Variants in HSPB7 observed in about 807,000 individuals in gnomAD.
HSPB7 encodes heat shock protein beta-7.
HSPB7 carries 9 observed loss-of-function variants against 11.0 expected under a neutral mutation model. The ratio of observed to expected loss-of-function variants is 0.82; its 90% CI spans 0.49 to 1.43. The LOEUF (loss-of-function observed/expected upper bound fraction) is 1.43, where lower values mean the gene tolerates loss of function less well. HSPB7 is among the 40% of genes most tolerant of loss of function. The pLI is 0.00. For missense variants in HSPB7, 246 were observed against 243.9 expected (o/e 1.01, Z -0.06); for synonymous variants, 102 against 101.6 (o/e 1.00, Z -0.02).
chr1:16,015,617 T>C lies in HSPB7; in HGVS notation c.476A>G (p.His159Arg). 6.2e-7 allele frequency: 1 copy of C among 1,614,016 alleles called. No homozygotes were observed. The highest frequency in any genetic ancestry group is 1.1e-5 in the South Asian group (1 of 91,080). ...IRARRHPHTEHVQQTFRTEIK... is the reference protein window; with the variant it reads ...IRARRHPHTERVQQTFRTEIK... Reference sequence around the variant, plus strand: ...CTCCGTCCGGAAGGTCTGCTGGACGTGTTCTGTATGCGGGTGACGCCGTGC... The same window carrying C: ...CTCCGTCCGGAAGGTCTGCTGGACGCGTTCTGTATGCGGGTGACGCCGTGC... Residue 159 changes from histidine (H) to arginine (R), a missense_variant, in exon 3 of 3, where the codon CAC (histidine) becomes CGC (arginine). By Grantham distance (29) the His-to-Arg change is conservative. Coordinates refer to ENST00000311890, the MANE Select transcript of HSPB7 (RefSeq NM_014424.5). This position sits in a 1 kb window ranked among gnomAD's most constrained non-coding sequence, Gnocchi z 4.9.
At position 16,017,261 on chromosome 1, in the gene HSPB7, C is replaced by T. The variant is rs568400360; in HGVS notation, c.200-54G>A. 408 of 1,588,774 alleles carry T rather than the reference C, an allele frequency of 2.6e-4. 5 individuals carry two copies. In the East Asian group the frequency reaches 6.8e-3, roughly 27 times the overall value. On this transcript the variant is annotated intron_variant, in intron 1 of 2. Coordinates refer to ENST00000311890, the MANE Select transcript of HSPB7 (RefSeq NM_014424.5). ...ATGGAGCAGGCCTTGCATGCAGATC[C>T]GGGGGTTCTGGCTCCTTCTCTTGGG...
chr1:16,019,527 C>T, upstream of HSPB7: 1 of 1,490,326 alleles, frequency 6.7e-7, no homozygotes, highest in African/African-American at 1.4e-5. Context: ...CCCTACAACC[C>T]AGTCTGGAGC....
Position 16,015,710 on chromosome 1 carries a change from A to G in HSPB7, c.383T>C (p.Leu128Pro). ...VMNTFAHKCQLPEDVDPTSVT... is the reference protein window; with the variant it reads ...VMNTFAHKCQPPEDVDPTSVT... ...CGACGTCGGGTCCACGTCCTCCGGC[A>G]GCTGGCACTTGTGAGCGAAGGTGTT... Residue 128 changes from leucine (L) to proline (P), a missense_variant, in exon 3 of 3, where the codon CTG becomes CCG. Coordinates refer to ENST00000311890, the MANE Select transcript of HSPB7 (RefSeq NM_014424.5). This position sits in a 1 kb window ranked among gnomAD's most constrained non-coding sequence, Gnocchi z 4.9. 6.2e-7 allele frequency: 1 copy of G among 1,611,528 alleles called. No individual in the cohort carries two copies. Among genetic ancestry groups the G allele is most frequent in the South Asian group, 1.1e-5 (1 of 90,936 alleles).
chr1:16,016,907 C>T (rs1475811861), intron 2 of HSPB7, among the ~76,000 whole-genome samples, 167 bp downstream of exon 2: 1 of 152,172 alleles, frequency 6.6e-6, no homozygotes. Flanking sequence ...GAGGGGGCCC[C>T]ATGGCCATGG....
At chr1:16,016,102 A>G (rs61783988) in intron 2 of HSPB7, among the ~76,000 whole-genome samples, 12,786 of 152,262 alleles carry the variant, frequency 0.084, 782 homozygotes, top group East Asian at 0.2. Flanking sequence ...GCCTTCCTGG[A>G]TCCCCGGGCA....
upstream of HSPB7, chr1:16,018,626 A>T (rs1342184335): frequency 9.7e-7 from 1 of 1,029,778 alleles, no homozygotes; most frequent in African/African-American, 1.7e-5. Context: ...CTGTGCCTGC[A>T]CTCCCTCTGA....
chr1:16,018,695 C>G (rs1006632007), upstream of HSPB7: 2 of 1,039,328 alleles, frequency 1.9e-6, no homozygotes, highest in African/African-American at 3.4e-5. Context: ...CCTTAAAGGT[C>G]TAGAAGGTTG....
intron 2 of HSPB7, 128 bp downstream of exon 2, chr1:16,016,946 C>A (rs1463806941): frequency 8.5e-6 from 8 of 945,838 alleles, no homozygotes; most frequent in Non-Finnish European, 1.3e-5. Context: ...TCAGTTAGCC[C>A]TGGGGGAGTT....
chr1:16,015,822 G>C lies in HSPB7; in HGVS notation c.334-63C>G, dbSNP rs2021678971. 4 of 1,452,332 alleles carry C rather than the reference G, an allele frequency of 2.8e-6. No individual in the cohort carries two copies. Among genetic ancestry groups the C allele is most frequent in the Non-Finnish European group, 3.7e-6 (4 of 1,076,022 alleles). 90.0% of individuals were successfully genotyped at this position (1,452,332 alleles called of 1,614,324 possible). A position where few individuals can be genotyped will look rare whatever the true frequency, so the allele number is the denominator to read the frequency against. ...CCCCTGTCCTGCTTGTGACAAGCCA[G>C]AGCCCTCTTCTCCCCATTCTAACCC... On this transcript the variant is annotated intron_variant, in intron 2 of 2. Transcript: ENST00000311890. The surrounding 1 kb of genome is among the most constrained non-coding windows in gnomAD (Gnocchi z 4.9).
upstream of HSPB7, chr1:16,019,038 G>A (rs1209344767): frequency 1.7e-6 from 2 of 1,170,732 alleles, no homozygotes; most frequent in South Asian, 3.2e-5. Flanking sequence ...AGAGGCCGAG[G>A]TGGTTTGAAC....
chr1:16,017,404 G>A (rs544245904), intron 1 of HSPB7, 197 bp from the exon 2 acceptor site: 1 of 661,180 alleles, frequency 1.5e-6, no homozygotes, highest in African/African-American at 1.8e-5. Context: ...AGCACAGTGT[G>A]TGTGTATATG....
Position 16,017,152 on chromosome 1 carries a change from C to T in HSPB7, c.255G>A (p.Ala85=), listed in dbSNP as rs779290288. ...CAGGTGAGAAGTCTCTCACGTCCACCGCAAACTCATAGGCGTCTCCTAGGG... is the reference window on the plus strand; with the variant it reads ...CAGGTGAGAAGTCTCTCACGTCCACTGCAAACTCATAGGCGTCTCCTAGGG... ...IKTLGDAYEF[A]VDVRDFSPED... is the part of the protein sequence containing the mutation. The change falls in exon 2 of 3, where the codon GCG becomes GCA. Residue 85 remains alanine (A), a synonymous_variant. Coordinates refer to ENST00000311890, the MANE Select transcript of HSPB7 (RefSeq NM_014424.5). 26 of 1,613,712 alleles carry T rather than the reference C, an allele frequency of 1.6e-5. No homozygotes were observed. The Admixed American group carries it at 1.8e-4, about 11-fold the overall frequency.
chr1:16,016,798 C>A (rs535692942), intron 2 of HSPB7, among the ~76,000 whole-genome samples: 3 of 152,284 alleles, frequency 2.0e-5, no homozygotes, highest in Admixed American at 6.5e-5. Context: ...GCTCCCTCTG[C>A]CCACATCCCT....
chr1:16,015,689 G>A lies in HSPB7; in HGVS notation c.404C>T (p.Thr135Met), dbSNP rs1361262955. The A allele has an allele frequency of 6.8e-6, 11 of 1,612,892 alleles. No homozygotes were observed. Among genetic ancestry groups the A allele is most frequent in the Middle Eastern group, 1.6e-4 (1 of 6,074 alleles). The change falls in exon 3 of 3, where the codon ACG becomes ATG. Residue 135 changes from threonine (T) to methionine (M), a missense_variant. Thr to Met is a moderately conservative substitution (Grantham distance 81). Transcript: ENST00000311890. This position sits in a 1 kb window ranked among gnomAD's most constrained non-coding sequence, Gnocchi z 4.9. ...KCQLPEDVDP[T>M]SVTSALREDG... ...CTCCCGCAGAGCCGAGGTCACCGAC[G>A]TCGGGTCCACGTCCTCCGGCAGCTG...
At chr1:16,017,668 C>G in intron 1 of HSPB7, 97 bp downstream of exon 1, 1 of 1,035,092 alleles carries the variant, frequency 9.7e-7, no homozygotes, top group South Asian at 1.5e-5. Flanking sequence ...AGCACCTGTT[C>G]CAGGCCGACC....
At position 16,014,626 on chromosome 1, in the gene HSPB7, T is replaced by C. The variant is rs2021562895; in HGVS notation, c.*954A>G. 1 of 152,052 alleles carries C rather than the reference T, an allele frequency of 6.6e-6. No individual in the cohort carries two copies. The highest frequency in any genetic ancestry group is 2.1e-4 in the South Asian group (1 of 4,816). 9.4% of individuals were successfully genotyped at this position (152,052 alleles called of 1,614,324 possible). On this transcript the variant is annotated 3_prime_UTR_variant, in exon 3 of 3. Transcript: ENST00000311890. ...AGTATTTGAAGGACAACGATAGGGG[T>C]GTGTGTGTTACACACACCGAGCCTA...
Position 16,017,878 on chromosome 1 carries a change from G to A in HSPB7, c.86C>T (p.Ser29Leu), listed in dbSNP as rs201662352. The A allele has an allele frequency of 1.2e-5, 19 of 1,613,800 alleles. No individual in the cohort carries two copies. Among genetic ancestry groups the A allele is most frequent in the African/African-American group, 5.3e-5 (4 of 75,068 alleles). Residue 29 changes from serine (S) to leucine (L), a missense_variant, in exon 1 of 3, where the codon TCG becomes TTG. By Grantham distance (145) the Ser-to-Leu change is moderately radical (BLOSUM62 -2). Coordinates refer to ENST00000311890, the MANE Select transcript of HSPB7 (RefSeq NM_014424.5). ...CTGGGCCGGGAGAGCACGGGAGGCC[G>A]AGGAGGAGGTGGAAGAGGAGGAGGA... ...SSSSSSSTSSSASRALPAQDP... is the reference protein window; with the variant it reads ...SSSSSSSTSSLASRALPAQDP...
chr1:16,018,927 AC>A, upstream of HSPB7: 1 of 1,153,652 alleles, frequency 8.7e-7, no homozygotes, highest in Non-Finnish European at 1.2e-6. Flanking sequence ...TTCCCATGTT[AC>A]GGACGGGGAA....
chr1:16,016,706 A>G (rs1183794419), intron 2 of HSPB7, among the ~76,000 whole-genome samples: 1 of 151,134 alleles, frequency 6.6e-6, no homozygotes, highest in African/African-American at 2.4e-5. Context: ...CCGCCCCCCT[A>G]TAGCTACCAG....
Sources: gnomAD v4.1 joint callset for allele counts (sites outside exome capture counted in the v4.1 genomes callset) on GRCh38, gnomAD v4.1.1 for gene constraint, Gnocchi (gnomAD v3.1) non-coding constraint, MANE v1.5 for transcripts, NCBI Gene and HGNC (gene_info 2026-07-23, HGNC 2026-07-21) for gene names.